The following PFKFB3 variants were observed in gnomAD, a reference collection of about 807,000 sequenced individuals.
The protein encoded by PFKFB3 is 6-phosphofructo-2-kinase/fructose-2,6-biphosphatase 3.
In PFKFB3, 33 loss-of-function variants were observed where a neutral mutation model predicts 68.0. The ratio of observed to expected loss-of-function variants is 0.49; its 90% confidence interval spans 0.37 to 0.65. PFKFB3 has a LOEUF of 0.65. Among genes scored for constraint, PFKFB3 ranks in the 30% least tolerant of loss-of-function variants. The probability of loss-of-function intolerance (pLI) is 0.00; values close to 1 mark genes in which losing one functional copy is unlikely to be tolerated. For synonymous variants in PFKFB3, 315 were observed against 288.2 expected, an observed-to-expected ratio of 1.09 and a Z score of -0.94; for missense variants, 586 against 712.2, an observed-to-expected ratio of 0.82 and a Z score of 2.02.
In PFKFB3 at chr10:6,215,286, C is replaced by T. The variant is rs951762776; in HGVS notation, c.268C>T (p.Pro90Ser). The T allele has an allele frequency of 5.0e-6, 8 of 1,613,842 alleles. No individual in the cohort carries two copies. Among genetic ancestry groups the T allele is most frequent in the Non-Finnish European group, 6.8e-6 (8 of 1,179,972 alleles). ...GTACAGCTCCTACAACTTCTTCCGCCCCGACAATGAGGAAGCCATGAAAGT... is the reference window on the plus strand; with the variant it reads ...GTACAGCTCCTACAACTTCTTCCGCTCCGACAATGAGGAAGCCATGAAAGT... ...KQYSSYNFFR[P>S]DNEEAMKVRK... Residue 90 changes from proline to serine, a missense_variant, in exon 3 of 15, where the codon CCC becomes TCC. Transcript: ENST00000379775. The surrounding 1 kb of genome is among the most constrained non-coding windows in gnomAD (Gnocchi z 4.3).
intron 1 of PFKFB3, among the ~76,000 whole-genome samples, chr10:6,190,994 G>C (rs992238831): frequency 3.9e-5 from 6 of 152,106 alleles, no homozygotes; most frequent in African/African-American, 1.4e-4. Flanking sequence ...GGCCAGGCTG[G>C]TCTTGAACTC....
At chr10:6,263,658 G>A in the PFKFB3 span, among the ~76,000 whole-genome samples, 1 of 152,276 alleles carries the variant, frequency 6.6e-6, no homozygotes, top group South Asian at 2.1e-4. Flanking sequence ...GTGTGGGTGT[G>A]GAGCTGAGAG....
At chr10:6,196,355 G>A (rs929037174) in intron 1 of PFKFB3, among the ~76,000 whole-genome samples, 31 of 152,100 alleles carry the variant, frequency 2.0e-4, no homozygotes, top group African/African-American at 7.2e-4. Flanking sequence ...TAGAGGGACA[G>A]AACTAATAGG....
the PFKFB3 span, among the ~76,000 whole-genome samples, chr10:6,280,609 CCTT>C: frequency 6.6e-6 from 1 of 152,130 alleles, no homozygotes. Flanking sequence ...TCTAGAAAAA[CCTT>C]CTCTGCAGGA....
At chr10:6,225,259 A>C in intron 13 of PFKFB3, 1 of 453,938 alleles carries the variant, frequency 2.2e-6, no homozygotes, top group South Asian at 1.6e-5. Flanking sequence ...GTGACTGTCT[A>C]GTCCCAGGAA....
chr10:6,244,605 C>T (rs576825812), intron 14 of PFKFB3, among the ~76,000 whole-genome samples: 3 of 152,116 alleles, frequency 2.0e-5, no homozygotes, highest in South Asian at 2.1e-4. Flanking sequence ...TTCTCTTACA[C>T]GGTAATAAAT....
chr10:6,294,856 G>C, the PFKFB3 span, among the ~76,000 whole-genome samples: 3 of 152,188 alleles, frequency 2.0e-5, no homozygotes, highest in South Asian at 2.1e-4. Context: ...TTTTCCATTA[G>C]AGCCTTTAGC....
intron 14 of PFKFB3, among the ~76,000 whole-genome samples, chr10:6,250,859 G>A (rs1846365294): frequency 6.6e-6 from 1 of 152,192 alleles, no homozygotes. Flanking sequence ...ATGGCAAATG[G>A]ACTAAGGGAC....
intron 14 of PFKFB3, among the ~76,000 whole-genome samples, chr10:6,246,110 T>A (rs2132077744): frequency 6.6e-6 from 1 of 152,268 alleles, no homozygotes; most frequent in East Asian, 1.9e-4. Context: ...TGATGGCCAT[T>A]CACCCGGCTG....
the PFKFB3 span, among the ~76,000 whole-genome samples, chr10:6,269,536 CTGTGTGA>C: frequency 6.6e-6 from 1 of 152,078 alleles, no homozygotes. Flanking sequence ...GGTCTGTTAT[CTGTGTGA>C]TGAGGCCATG....
the PFKFB3 span, among the ~76,000 whole-genome samples, chr10:6,276,998 C>T: frequency 6.6e-6 from 1 of 152,130 alleles, no homozygotes; most frequent in Non-Finnish European, 1.5e-5. Flanking sequence ...CACCTTCCCT[C>T]CTTTCTCCTC....
chr10:6,190,580 C>A lies in PFKFB3; in HGVS notation c.17-23043C>A, dbSNP rs146358164. ...CTTTGGGAGACTGAGGCAGGGGGGA[C>A]TGCTTGAGGCTGGGAATTTGAAACC... is the stretch of plus-strand genomic sequence containing the variant. On this transcript the variant is annotated intron_variant, in intron 1 of 14. Coordinates refer to the PFKFB3 transcript ENST00000379789. Among the ~76,000 whole-genome samples, 485 of 152,216 alleles carry A rather than the reference C, an allele frequency of 3.2e-3. 3 individuals are homozygous for A. Among genetic ancestry groups the A allele is most frequent in the Non-Finnish European group, 5.1e-3 (350 of 68,012 alleles).
intron 1 of PFKFB3, among the ~76,000 whole-genome samples, chr10:6,158,777 G>T (rs1194136531): frequency 6.6e-6 from 1 of 151,846 alleles, no homozygotes; most frequent in Non-Finnish European, 1.5e-5. Context: ...TGAGGCAAGA[G>T]AATCGCTTGA....
chr10:6,199,921 CG>C (rs1843280250), upstream of PFKFB3, among the ~76,000 whole-genome samples: 1 of 151,836 alleles, frequency 6.6e-6, no homozygotes, highest in African/African-American at 2.4e-5. Context: ...GCCTGATCAG[CG>C]GCTAAATTAG....
downstream of PFKFB3, among the ~76,000 whole-genome samples, chr10:6,236,509 G>A (rs553549526): frequency 5.9e-5 from 9 of 152,200 alleles, no homozygotes; most frequent in South Asian, 6.2e-4. Flanking sequence ...GGCGCCTGCC[G>A]CCCACGCTGT....
chr10:6,305,120 G>A, the PFKFB3 span, among the ~76,000 whole-genome samples: 2 of 136,364 alleles, frequency 1.5e-5, no homozygotes, highest in Non-Finnish European at 3.1e-5. Flanking sequence ...CCTTGGCCTT[G>A]CAAAATGTTG....
intron 8 of PFKFB3, among the ~76,000 whole-genome samples, chr10:6,221,127 G>A (rs755259230): frequency 3.3e-5 from 5 of 152,158 alleles, no homozygotes; most frequent in African/African-American, 4.8e-5. Flanking sequence ...GTGTTTGTAT[G>A]TGTGTCTCTG....
At chr10:6,230,346 C>T (rs1845659306) in intron 14 of PFKFB3, among the ~76,000 whole-genome samples, 1 of 152,120 alleles carries the variant, frequency 6.6e-6, no homozygotes, top group Admixed American at 6.5e-5. Flanking sequence ...CAGACCAAGC[C>T]AGGCCTGCAT....
the PFKFB3 span, among the ~76,000 whole-genome samples, chr10:6,310,301 C>CT: frequency 8.3e-4 from 126 of 151,224 alleles, 1 homozygote; most frequent in African/African-American, 2.6e-3. Flanking sequence ...ATTTTTTTTT[C>CT]TTTTTTTGCC....
Sources: gnomAD v4.1 joint callset for allele counts (sites outside exome capture counted in the v4.1 genomes callset) on GRCh38, gnomAD v4.1.1 for gene constraint, Gnocchi (gnomAD v3.1) non-coding constraint, MANE v1.5 for transcripts, NCBI Gene and HGNC (gene_info 2026-07-23, HGNC 2026-07-21) for gene names.